Variants in FRMD4A observed in about 807,000 individuals in gnomAD.
The protein encoded by FRMD4A is FERM domain containing 4A.
Under a neutral mutation model 129.1 loss-of-function variants are expected in FRMD4A, and 29 were observed. The ratio of observed to expected loss-of-function variants is 0.22; its 90% CI spans 0.17 to 0.31. The LOEUF is 0.31. Among genes scored for constraint, FRMD4A ranks in the 10% least tolerant of loss-of-function variants. The pLI, the probability that FRMD4A is intolerant of heterozygous loss-of-function variation, is 1.00. For missense variants in FRMD4A, 1,272 were observed against 1,375.8 expected (o/e 0.92, Z 1.19); for synonymous variants, 634 against 571.6 (o/e 1.11, Z -1.56).
chr10:14,073,506 T>C (rs1835413684), intron 2 of FRMD4A, among the ~76,000 whole-genome samples: 1 of 152,192 alleles, frequency 6.6e-6, no homozygotes, highest in Non-Finnish European at 1.5e-5. Flanking sequence ...CCAAGGACCC[T>C]GGATATACCC....
chr10:14,071,875 C>G (rs1162842265), intron 2 of FRMD4A, among the ~76,000 whole-genome samples: 1 of 151,920 alleles, frequency 6.6e-6, no homozygotes, highest in Non-Finnish European at 1.5e-5. Context: ...GAAGTAGGAG[C>G]CTGCAGCTGA....
chr10:13,837,371 C>T lies in FRMD4A; in HGVS notation c.111+21476G>A, dbSNP rs145856096. Among the ~76,000 whole-genome samples, 9 of 152,276 alleles carry T rather than the reference C, an allele frequency of 5.9e-5. No homozygotes were observed. In the South Asian group the frequency reaches 1.9e-3, roughly 32 times the overall value. On this transcript the variant is annotated intron_variant, in intron 3 of 24. Transcript: ENST00000357447. Reference sequence around the variant, plus strand: ...GTTCAGGGGCCCTGACACTTGGATTCTGGAGTCCTGATTGGGCCTCGAGTG... The same window carrying T: ...GTTCAGGGGCCCTGACACTTGGATTTTGGAGTCCTGATTGGGCCTCGAGTG...
chr10:13,890,089 A>G (rs1384014414), intron 2 of FRMD4A, among the ~76,000 whole-genome samples: 2 of 152,222 alleles, frequency 1.3e-5, no homozygotes, highest in East Asian at 3.8e-4. Context: ...GCAAGAGACA[A>G]GTAACACTTT....
At chr10:13,944,291 AC>A (rs140380237) in intron 2 of FRMD4A, among the ~76,000 whole-genome samples, 20,383 of 152,008 alleles carry the variant, frequency 0.13, 1,488 homozygotes, top group Admixed American at 0.17. Context: ...AGGAGCACGA[AC>A]CCTGTTCGTG....
intron 2 of FRMD4A, among the ~76,000 whole-genome samples, chr10:14,016,865 T>A (rs7911483): frequency 0.021 from 3,179 of 152,328 alleles, 112 homozygotes; most frequent in African/African-American, 0.073. Flanking sequence ...GTGGAAGATT[T>A]GTCGGTATCT....
chr10:14,056,970 C>T (rs1432861094), intron 2 of FRMD4A, among the ~76,000 whole-genome samples: 5 of 152,144 alleles, frequency 3.3e-5, no homozygotes, highest in South Asian at 4.1e-4. Flanking sequence ...TTTAGCCTTG[C>T]GAGGTCTGGC....
intron 2 of FRMD4A, among the ~76,000 whole-genome samples, chr10:14,044,584 A>G (rs1207628449): frequency 6.6e-6 from 1 of 152,214 alleles, no homozygotes; most frequent in Non-Finnish European, 1.5e-5. Context: ...AAGCCCAGGA[A>G]TGCCAAGGAC....
intron 2 of FRMD4A, among the ~76,000 whole-genome samples, chr10:13,884,206 A>ACTCTCACACACACACTCT (rs35380428): frequency 1.2e-5 from 1 of 83,336 alleles, no homozygotes; most frequent in East Asian, 3.5e-4. Flanking sequence ...TCACACACAC[A>ACTCTCACACACACACTCT]CTCACACACA....
At chr10:13,745,155 A>G (rs1275610906) in intron 9 of FRMD4A, among the ~76,000 whole-genome samples, 1 of 152,220 alleles carries the variant, frequency 6.6e-6, no homozygotes, top group Non-Finnish European at 1.5e-5. Context: ...TTATGTACAG[A>G]TATCAGAGTA....
At chr10:14,020,959 C>T (rs188529055) in intron 2 of FRMD4A, among the ~76,000 whole-genome samples, 2 of 152,288 alleles carry the variant, frequency 1.3e-5, no homozygotes, top group Admixed American at 6.5e-5. Flanking sequence ...ACTGACCTAC[C>T]ATGTGCCTCC....
intron 2 of FRMD4A, among the ~76,000 whole-genome samples, chr10:13,988,789 T>TCTAC (rs528337302): frequency 3.0e-4 from 45 of 152,260 alleles, no homozygotes; most frequent in East Asian, 3.9e-4. Context: ...TATCTATCTA[T>TCTAC]CTACCTACCT....
At chr10:14,235,360 G>A (rs1426986544) in intron 2 of FRMD4A, among the ~76,000 whole-genome samples, 1 of 150,456 alleles carries the variant, frequency 6.6e-6, no homozygotes, top group Non-Finnish European at 1.5e-5. Flanking sequence ...ATGTTAGCCA[G>A]TATGGTCTCG....
chr10:13,881,839 G>A (rs1179031189), intron 2 of FRMD4A, among the ~76,000 whole-genome samples: 1 of 151,432 alleles, frequency 6.6e-6, no homozygotes, highest in Non-Finnish European at 1.5e-5. Flanking sequence ...CTGCTTGGAG[G>A]AACAGGAGCA....
At chr10:13,678,408 A>G (rs780375379) in intron 15 of FRMD4A, among the ~76,000 whole-genome samples, 1 of 152,204 alleles carries the variant, frequency 6.6e-6, no homozygotes, top group Non-Finnish European at 1.5e-5. Context: ...CGGTAACTGG[A>G]TGGTGGATAG....
chr10:14,278,997 A>G (rs1845430118), intron 2 of FRMD4A, among the ~76,000 whole-genome samples: 1 of 151,966 alleles, frequency 6.6e-6, no homozygotes, highest in African/African-American at 2.4e-5. Flanking sequence ...TGGGTAAGGT[A>G]TGGACACTGC....
intron 2 of FRMD4A, among the ~76,000 whole-genome samples, chr10:13,873,194 A>C (rs1321460838): frequency 6.6e-6 from 1 of 150,614 alleles, no homozygotes; most frequent in Admixed American, 6.6e-5. Flanking sequence ...ATAAAATAAA[A>C]TAAAAAAATA....
At chr10:14,144,805 G>T (rs1839998452) in intron 2 of FRMD4A, among the ~76,000 whole-genome samples, 1 of 152,258 alleles carries the variant, frequency 6.6e-6, no homozygotes, top group Admixed American at 6.5e-5. Context: ...TATGATGCTT[G>T]GTTCTGGGGC....
intron 2 of FRMD4A, among the ~76,000 whole-genome samples, chr10:14,191,750 T>C (rs937638094): frequency 3.3e-5 from 5 of 151,896 alleles, no homozygotes; most frequent in Non-Finnish European, 7.4e-5. Context: ...CAGAATATAT[T>C]CCCTGCTTTC....
At chr10:13,872,424 G>T (rs1194136360) in intron 2 of FRMD4A, among the ~76,000 whole-genome samples, 1 of 152,248 alleles carries the variant, frequency 6.6e-6, no homozygotes, top group Non-Finnish European at 1.5e-5. Context: ...GGGCCATCCT[G>T]TGGCACCCGC....
Sources: gnomAD v4.1 joint callset for allele counts (sites outside exome capture counted in the v4.1 genomes callset) on GRCh38, gnomAD v4.1.1 for gene constraint, MANE v1.5 for transcripts, NCBI Gene and HGNC (gene_info 2026-07-23, HGNC 2026-07-21) for gene names.